Variants in CENPC observed in about 807,000 individuals in gnomAD.
The protein encoded by CENPC is centromere protein C, also known as CENP-C 1.
CENPC carries 63 observed loss-of-function variants against 112.1 expected under a neutral mutation model. The ratio of observed to expected loss-of-function variants is 0.56; its 90% CI spans 0.46 to 0.69. CENPC has a LOEUF of 0.69. Ranked by LOEUF, CENPC falls within the 30% of genes least tolerant of loss-of-function variation. The probability of loss-of-function intolerance (pLI) is 0.00; values close to 1 mark genes in which losing one functional copy is unlikely to be tolerated. For missense variants in CENPC, 1,000 were observed against 1,103.8 expected (o/e 0.91, Z 1.33); for synonymous variants, 333 against 367.6 (o/e 0.91, Z 1.08).
At chr4:67,526,232 C>T (rs1726373430) in intron 5 of CENPC, among the ~76,000 whole-genome samples, 1 of 151,770 alleles carries the variant, frequency 6.6e-6, no homozygotes, top group African/African-American at 2.4e-5. Context: ...GGGCTTAAAA[C>T]CAAGATGACG....
intron 12 of CENPC, among the ~76,000 whole-genome samples, chr4:67,497,015 A>G (rs1488370875): frequency 3.9e-5 from 6 of 151,916 alleles, no homozygotes; most frequent in African/African-American, 7.3e-5. Context: ...TGATACAAGG[A>G]ACCAAAGAAA....
At chr4:67,478,061 G>A (rs868306631) in intron 17 of CENPC, among the ~76,000 whole-genome samples, 3 of 151,766 alleles carry the variant, frequency 2.0e-5, no homozygotes, top group South Asian at 2.1e-4. Context: ...TATGTTAAAC[G>A]ACCACACATA....
intron 13 of CENPC, among the ~76,000 whole-genome samples, chr4:67,494,486 T>C (rs184141374): frequency 2.1e-4 from 32 of 152,292 alleles, no homozygotes; most frequent in African/African-American, 7.5e-4. Flanking sequence ...GCATTAAGTA[T>C]TGAGAGGTAT....
At chr4:67,540,930 A>C (rs764162125) in intron 3 of CENPC, 50 bp downstream of exon 3, 40 of 1,223,682 alleles carry the variant, frequency 3.3e-5, no homozygotes, top group Non-Finnish European at 4.5e-5. Context: ...TGACAAATTC[A>C]TATTTTCATC....
At chr4:67,487,299 C>A (rs1019621503) in intron 17 of CENPC, among the ~76,000 whole-genome samples, 1 of 149,396 alleles carries the variant, frequency 6.7e-6, no homozygotes. Context: ...AATCCTCCAA[C>A]AGTAACAAAT....
At chr4:67,526,848 AT>A (rs1726394530) in intron 5 of CENPC, among the ~76,000 whole-genome samples, 2 of 152,104 alleles carry the variant, frequency 1.3e-5, no homozygotes, top group South Asian at 2.1e-4. Context: ...AACAGAAAAC[AT>A]TTTTTTTAAA....
chr4:67,500,766 C>T (rs1309380110), intron 12 of CENPC, among the ~76,000 whole-genome samples: 3 of 152,062 alleles, frequency 2.0e-5, no homozygotes, highest in Non-Finnish European at 2.9e-5. Flanking sequence ...AAACTGGCAA[C>T]TAATTAATGC....
chr4:67,517,472 C>T (rs1726090787), intron 7 of CENPC, among the ~76,000 whole-genome samples: 1 of 151,542 alleles, frequency 6.6e-6, no homozygotes, highest in Non-Finnish European at 1.5e-5. Context: ...ATAAAAACTT[C>T]CTAGTATATT....
At chr4:67,506,666 A>G in intron 11 of CENPC, 122 bp downstream of exon 11, 1 of 799,046 alleles carries the variant, frequency 1.3e-6, no homozygotes, top group South Asian at 3.0e-5. Flanking sequence ...GAGCCATAGA[A>G]ACTATGAAAC....
intron 17 of CENPC, among the ~76,000 whole-genome samples, chr4:67,485,176 C>T (rs200457324): frequency 6.6e-6 from 1 of 152,154 alleles, no homozygotes; most frequent in African/African-American, 2.4e-5. Context: ...CAACAAACTA[C>T]TCAATCTGAT....
intron 7 of CENPC, among the ~76,000 whole-genome samples, chr4:67,517,823 C>T (rs546218221): frequency 2.6e-5 from 4 of 152,164 alleles, no homozygotes; most frequent in Non-Finnish European, 4.4e-5. Flanking sequence ...GAAGACAGAG[C>T]GAGACCCTGT....
intron 16 of CENPC, among the ~76,000 whole-genome samples, chr4:67,491,237 G>T (rs900488559): frequency 6.7e-6 from 1 of 149,472 alleles, no homozygotes; most frequent in Non-Finnish European, 1.5e-5. Context: ...GCAGTGGCAT[G>T]ATCTCGGCTC....
intron 12 of CENPC, among the ~76,000 whole-genome samples, chr4:67,496,474 T>C (rs1398439146): frequency 6.6e-6 from 1 of 152,172 alleles, no homozygotes; most frequent in Non-Finnish European, 1.5e-5. Context: ...AAACTGCAAA[T>C]ACAATTTTGT....
chr4:67,534,482 A>G (rs1726657805), intron 4 of CENPC, among the ~76,000 whole-genome samples: 1 of 152,210 alleles, frequency 6.6e-6, no homozygotes, highest in Admixed American at 6.5e-5. Flanking sequence ...TGAGTTTCTT[A>G]ATCAGAGAGA....
chr4:67,520,970 C>T (rs1726209054), intron 5 of CENPC, among the ~76,000 whole-genome samples: 1 of 152,018 alleles, frequency 6.6e-6, no homozygotes, highest in Admixed American at 6.6e-5. Context: ...TAAGATCACA[C>T]CACTGCCCTC....
chr4:67,522,361 G>T (rs558293804), intron 5 of CENPC, among the ~76,000 whole-genome samples: 1 of 152,114 alleles, frequency 6.6e-6, no homozygotes, highest in African/African-American at 2.4e-5. Flanking sequence ...CAGAAGGGAC[G>T]GATTCTTCCA....
intron 12 of CENPC, among the ~76,000 whole-genome samples, chr4:67,502,566 T>C (rs962879444): frequency 8.5e-5 from 13 of 152,158 alleles, no homozygotes; most frequent in African/African-American, 3.1e-4. Context: ...GAAATGTACA[T>C]AACAAAGACT....
chr4:67,519,643 T>A, intron 5 of CENPC, 141 bp from the exon 6 acceptor site: 1 of 649,604 alleles, frequency 1.5e-6, no homozygotes, highest in Non-Finnish European at 2.5e-6. Flanking sequence ...ATCAAAGATC[T>A]ATGATTAAAA....
chr4:67,475,843 C>T (rs1309698647), intron 17 of CENPC, among the ~76,000 whole-genome samples: 2 of 152,182 alleles, frequency 1.3e-5, no homozygotes, highest in African/African-American at 4.8e-5. Flanking sequence ...CCCGCCTCGG[C>T]CTCCCAAAGT....
Sources: gnomAD v4.1 joint callset for allele counts (sites outside exome capture counted in the v4.1 genomes callset) on GRCh38, gnomAD v4.1.1 for gene constraint, MANE v1.5 for transcripts, NCBI Gene and HGNC (gene_info 2026-07-23, HGNC 2026-07-21) for gene names.